Variants in MMP9 observed in about 807,000 individuals in gnomAD.
The protein encoded by MMP9 is matrix metallopeptidase 9, also known as matrix metalloproteinase-9.
In MMP9, 73 loss-of-function variants were observed where a neutral mutation model predicts 76.4. The observed-to-expected ratio is 0.96, with a 90% CI of 0.79 to 1.16. The LOEUF (loss-of-function observed/expected upper bound fraction) is 1.16, where lower values mean the gene tolerates loss of function less well. MMP9 is among the 50% of genes most tolerant of loss of function. The pLI, the probability that MMP9 is intolerant of heterozygous loss-of-function variation, is 0.00. For synonymous variants in MMP9, 412 were observed against 408.4 expected (o/e 1.01, Z -0.11); for missense variants, 943 against 973.0 (o/e 0.97, Z 0.41).
rs201161911 is a variant in MMP9 at position 46,012,152 on chromosome 20, T to C, written c.1013T>C (p.Met338Thr). 2 of 1,613,990 alleles carry C rather than the reference T, an allele frequency of 1.2e-6. No homozygotes were observed. Among genetic ancestry groups the C allele is most frequent in the Non-Finnish European group, 8.5e-7 (1 of 1,180,014 alleles). The change falls in exon 7 of 13, where the codon ATG (methionine) becomes ACG (threonine). Residue 338 changes from methionine (M) to threonine (T), a missense_variant. Transcript: ENST00000372330. ...GTCTCTCCAGCTGACTCGACGGTGA[T>C]GGGGGGCAACTCGGCGGGGGAGCTG... Reference protein sequence around the residue: ...FCPTRADSTVMGGNSAGELCV... With the variant: ...FCPTRADSTVTGGNSAGELCV...
rs1042913543 is a variant in MMP9 at position 46,010,097 on chromosome 20, T to A, written c.370T>A (p.Trp124Arg). 2 of 1,255,488 alleles carry A rather than the reference T, an allele frequency of 1.6e-6. No individual in the cohort carries two copies. The highest frequency in any genetic ancestry group is 2.5e-5 in the South Asian group (2 of 78,664). 77.8% of individuals were successfully genotyped at this position (1,255,488 alleles called of 1,614,324 possible). ...LKWHHHNITYWIQNYSEDLPR... is the reference protein window; with the variant it reads ...LKWHHHNITYRIQNYSEDLPR... ...GTGGCACCACCACAACATCACCTAT[T>A]GGTGAGCCGGGGCCGTGGGGGCAGC... The change falls in exon 2 of 13, where the codon TGG becomes AGG. Residue 124 changes from tryptophan to arginine, a missense_variant and splice_region_variant. Trp to Arg is a moderately radical substitution (Grantham distance 101, BLOSUM62 -3). Coordinates refer to ENST00000372330, the MANE Select transcript of MMP9 (RefSeq NM_004994.3).
At chr20:46,009,409 G>C (rs1347430001) in intron 1 of MMP9, among the ~76,000 whole-genome samples, 2 of 152,130 alleles carry the variant, frequency 1.3e-5, no homozygotes, top group Non-Finnish European at 1.5e-5. Context: ...CCAGGGGTGA[G>C]AAGGAGCTGA....
Position 46,010,558 on chromosome 20 carries a change from C to G in MMP9, c.447C>G (p.Ser149Arg), listed in dbSNP as rs201902138. The G allele has an allele frequency of 2.5e-6, 4 of 1,614,212 alleles. No homozygotes were observed. Among genetic ancestry groups the G allele is most frequent in the South Asian group, 1.1e-5 (1 of 91,090 alleles). The change falls in exon 3 of 13, where the codon AGC becomes AGG. Residue 149 changes from serine to arginine, a missense_variant. Coordinates refer to ENST00000372330, the MANE Select transcript of MMP9 (RefSeq NM_004994.3). ...TTGCCCGCGCCTTCGCACTGTGGAG[C>G]GCGGTGACGCCGCTCACCTTCACTC... ...DAFARAFALWSAVTPLTFTRV... is the reference protein window; with the variant it reads ...DAFARAFALWRAVTPLTFTRV...
chr20:46,012,425 A>G lies in MMP9; in HGVS notation c.1175-2A>G, dbSNP rs759747286. On this transcript the variant is annotated splice_acceptor_variant, in intron 7 of 12. Coordinates refer to ENST00000372330, the MANE Select transcript of MMP9 (RefSeq NM_004994.3). LOFTEE classifies it high-confidence loss of function. ...CACGTCTCAGGCTCCCTCTCCCTCCAGGATACAGTTTGTTCCTCGTGGCGG... is the reference window on the plus strand; with the variant it reads ...CACGTCTCAGGCTCCCTCTCCCTCCGGGATACAGTTTGTTCCTCGTGGCGG... 4 of 1,614,038 alleles carry G rather than the reference A, an allele frequency of 2.5e-6. No individual in the cohort carries two copies. The Admixed American group carries it at 6.7e-5, about 27-fold the overall frequency.
At chr20:46,009,803 T>C in intron 1 of MMP9, 63 bp from the exon 2 acceptor site, 1 of 1,419,414 alleles carries the variant, frequency 7.0e-7, no homozygotes, top group Non-Finnish European at 9.7e-7. Context: ...GGGAGTCCTT[T>C]GGCCCCAGCT....
At position 46,010,972 on chromosome 20, in the gene MMP9, G is replaced by T; in HGVS notation, c.571G>T (p.Ala191Ser). 2 of 1,614,222 alleles carry T rather than the reference G, an allele frequency of 1.2e-6. No homozygotes were observed. The highest frequency in any genetic ancestry group is 1.7e-6 in the Non-Finnish European group (2 of 1,180,050). ...FDGKDGLLAH[A>S]FPPGPGIQGD... is the part of the protein sequence containing the mutation. ...CGGGAAGGACGGGCTCCTGGCACAC[G>T]CCTTTCCTCCTGGCCCCGGCATTCA... The change falls in exon 4 of 13, where the codon GCC (alanine) becomes TCC (serine). Residue 191 changes from alanine (A) to serine (S), a missense_variant. By Grantham distance (99) the Ala-to-Ser change is moderately conservative (BLOSUM62 1). Coordinates refer to ENST00000372330, the MANE Select transcript of MMP9 (RefSeq NM_004994.3).
Position 46,012,552 on chromosome 20 carries a change from G to A in MMP9, c.1300G>A (p.Asp434Asn), listed in dbSNP as rs199893610. ...RFTEGPPLHK[D>N]DVNGIRHLYG... is the part of the protein sequence containing the mutation. ...CACTGAGGGGCCCCCCTTGCATAAGGACGACGTGAATGGCATCCGGCACCT... is the reference window on the plus strand; with the variant it reads ...CACTGAGGGGCCCCCCTTGCATAAGAACGACGTGAATGGCATCCGGCACCT... Residue 434 changes from aspartate (D) to asparagine (N), a missense_variant, in exon 8 of 13, where the codon GAC becomes AAC. Physicochemically the swap from Asp to Asn is conservative, Grantham distance 23. Coordinates refer to ENST00000372330, the MANE Select transcript of MMP9 (RefSeq NM_004994.3). 60 of 1,613,874 alleles carry A rather than the reference G, an allele frequency of 3.7e-5. No individual in the cohort carries two copies. Among genetic ancestry groups the A allele is most frequent in the Non-Finnish European group, 5.1e-5 (60 of 1,180,038 alleles).
chr20:46,014,090 G>T, intron 10 of MMP9, 34 bp from the exon 11 acceptor site: 1 of 1,533,930 alleles, frequency 6.5e-7, no homozygotes. Context: ...CTCCCTCTGC[G>T]CCCCCAAACC....
In MMP9 at chr20:46,010,109, G is replaced by A. The variant is rs201413193; in HGVS notation, c.371+11G>A. The A allele has an allele frequency of 2.6e-6, 4 of 1,541,424 alleles. No individual in the cohort carries two copies. The highest frequency in any genetic ancestry group is 3.5e-6 in the Non-Finnish European group (4 of 1,140,274). ...CAACATCACCTATTGGTGAGCCGGG[G>A]CCGTGGGGGCAGCGGGGTGGGGCGG... On this transcript the variant is annotated intron_variant, in intron 2 of 12. Coordinates refer to ENST00000372330, the MANE Select transcript of MMP9 (RefSeq NM_004994.3).
At chr20:46,010,887 C>A in intron 3 of MMP9, 35 bp from the exon 4 acceptor site, 1 of 1,614,202 alleles carries the variant, frequency 6.2e-7, no homozygotes, top group African/African-American at 1.3e-5. Context: ...CAGCAGTACT[C>A]GGCTAACCCT....
chr20:46,014,612 A>C lies in MMP9; in HGVS notation c.2005+138A>C. ...GCACAGACAAGATCCCAGCAGAGGCAGAGGCCTTCTCCAGGTCATTTAGGA... is the reference window on the plus strand; with the variant it reads ...GCACAGACAAGATCCCAGCAGAGGCCGAGGCCTTCTCCAGGTCATTTAGGA... On this transcript the variant is annotated intron_variant, in intron 12 of 12. Transcript: ENST00000372330. 3.2e-6 allele frequency: 3 copies of C among 925,648 alleles called. 1 individual carries two copies. In the South Asian group the frequency reaches 4.3e-5, roughly 13 times the overall value. 57.3% of individuals were successfully genotyped at this position (925,648 alleles called of 1,614,324 possible).
Position 46,014,287 on chromosome 20 carries a change from G to A in MMP9, c.1901+13G>A. The A allele has an allele frequency of 2.0e-6, 3 of 1,526,764 alleles. No homozygotes were observed. The highest frequency in any genetic ancestry group is 2.6e-6 in the Non-Finnish European group (3 of 1,140,336). 94.6% of individuals were successfully genotyped at this position (1,526,764 alleles called of 1,614,324 possible). On this transcript the variant is annotated intron_variant, in intron 11 of 12. Coordinates refer to ENST00000372330, the MANE Select transcript of MMP9 (RefSeq NM_004994.3). ...GGCGCCTCTGGAGGTGAGCGCCGCC[G>A]CGGCCGCCGGCAGGGGGAGCCCGGG...
At chr20:46,016,170 G>T (rs973379020) in intron 12 of MMP9, 80 bp from the exon 13 acceptor site, 4 of 1,304,494 alleles carry the variant, frequency 3.1e-6, no homozygotes, top group Non-Finnish European at 4.5e-6. Context: ...CAGAAGAGAT[G>T]GTTGTCAAGA....
chr20:46,013,162 G>C lies in MMP9; in HGVS notation c.1331-93G>C. The C allele has an allele frequency of 6.9e-7, 1 of 1,452,182 alleles. No homozygotes were observed. The highest frequency in any genetic ancestry group is 9.7e-7 in the Non-Finnish European group (1 of 1,034,824). The allele number at this position is 1,452,182 out of a possible 1,614,324, so 90.0% of individuals were successfully genotyped here. A position where few individuals can be genotyped will look rare whatever the true frequency, so the allele number is the denominator to read the frequency against. ...AGTGAGGAGGGGCCTGTGTGCCAGA[G>C]GAGGCTTCACTGAGAAGCTTAGGGG... On this transcript the variant is annotated intron_variant, in intron 8 of 12. Transcript: ENST00000372330. The surrounding 1 kb of genome is among the most constrained non-coding windows in gnomAD (Gnocchi z 4.5).
chr20:46,014,423 C>A lies in MMP9; in HGVS notation c.1954C>A (p.Arg652=). ...VDPRSASEVD[R]MFPGVPLDTH... The stretch of plus-strand genomic sequence containing the variant: ...TCCCCGGAGCGCCAGCGAGGTGGAC[C>A]GGATGTTCCCCGGGGTGCCTTTGGA... Residue 652 remains arginine (R), a synonymous_variant, in exon 12 of 13, where the codon CGG becomes AGG. Coordinates refer to ENST00000372330, the MANE Select transcript of MMP9 (RefSeq NM_004994.3). 1 of 1,550,366 alleles carries A rather than the reference C, an allele frequency of 6.5e-7. No individual in the cohort carries two copies. The highest frequency in any genetic ancestry group is 1.4e-5 in the African/African-American group (1 of 73,162).
chr20:46,010,333 A>AAACAAAAAAAAAAAAAAAAC lies in MMP9; in HGVS notation c.372-148_372-147insCAAAAAAAAAAAAAAAACAA, dbSNP rs1555856970. ...GGGTCTAAGTAGACAAAAAAAAAAA[A>AAACAAAAAAAAAAAAAAAAC]AAAAAAAACAGTCTGGAAGCAATTT... On this transcript the variant is annotated intron_variant, in intron 2 of 12. Coordinates refer to ENST00000372330, the MANE Select transcript of MMP9 (RefSeq NM_004994.3). 8 of 828,814 alleles carry AAACAAAAAAAAAAAAAAAAC rather than the reference A, an allele frequency of 9.7e-6. 1 individual carries two copies. The African/African-American group carries it at 1.5e-4, about 16-fold the overall frequency. 51.3% of individuals were successfully genotyped at this position (828,814 alleles called of 1,614,324 possible).
In MMP9 at chr20:46,012,543, T is replaced by A. The variant is rs1363158579; in HGVS notation, c.1291T>A (p.Leu431Met). ...GTACCGCTTCACTGAGGGGCCCCCC[T>A]TGCATAAGGACGACGTGAATGGCAT... ...PMYRFTEGPP[L>M]HKDDVNGIRH... is the part of the protein sequence containing the mutation. Residue 431 changes from leucine (L) to methionine (M), a missense_variant, in exon 8 of 13, where the codon TTG becomes ATG. By Grantham distance (15) the Leu-to-Met change is conservative. Coordinates refer to ENST00000372330, the MANE Select transcript of MMP9 (RefSeq NM_004994.3). 1 of 1,613,920 alleles carries A rather than the reference T, an allele frequency of 6.2e-7. No individual in the cohort carries two copies. Among genetic ancestry groups the A allele is most frequent in the East Asian group, 2.2e-5 (1 of 44,878 alleles).
chr20:46,010,339 A>AAAAAAAAAAAAAAAAC, intron 2 of MMP9, 144 bp from the exon 3 acceptor site: 1 of 920,516 alleles, frequency 1.1e-6, no homozygotes, highest in Non-Finnish European at 1.6e-6. Flanking sequence ...AAAAAAAAAA[A>AAAAAAAAAAAAAAAAC]AACAGTCTGG....
Position 46,009,749 on chromosome 20 carries a change from C to T in MMP9, c.139-117C>T, listed in dbSNP as rs373500091. 4.7e-5 allele frequency: 43 copies of T among 916,242 alleles called. No homozygotes were observed. In the East Asian group the frequency reaches 8.7e-4, roughly 19 times the overall value. The allele number at this position is 916,242 out of a possible 1,614,324, so 56.8% of individuals were successfully genotyped here. ...GCTGCAGTGGGCTGATACCGTCTCT[C>T]CGAAAAAGAAAAAGAAAAAAGACTC... On this transcript the variant is annotated intron_variant, in intron 1 of 12. Transcript: ENST00000372330.
Sources: allele counts gnomAD v4.1 joint callset (sites outside exome capture counted in the v4.1 genomes callset), GRCh38; gene constraint gnomAD v4.1.1; non-coding constraint Gnocchi (gnomAD v3.1); transcripts MANE v1.5; gene names NCBI Gene and HGNC (gene_info 2026-07-23, HGNC 2026-07-21).